Variants in ROBO2 observed in about 807,000 individuals in gnomAD.
The protein encoded by ROBO2 is roundabout homolog 2.
ROBO2 carries 53 observed loss-of-function variants against 160.8 expected under a neutral mutation model. The observed-to-expected ratio is 0.33, with a 90% CI of 0.26 to 0.41. The LOEUF is 0.41. ROBO2 is among the 10% of genes least tolerant of loss of function. The pLI, the probability that ROBO2 is intolerant of heterozygous loss-of-function variation, is 1.00. For missense variants in ROBO2, 1,577 were observed against 1,722.4 expected, an observed-to-expected ratio of 0.92 and a Z score of 1.49; for synonymous variants, 664 against 611.7, an observed-to-expected ratio of 1.09 and a Z score of -1.26.
rs193292512 is a variant in ROBO2 at position 77,236,238 on chromosome 3, G to A, written c.388+137898G>A. On this transcript the variant is annotated intron_variant, in intron 2 of 25. Transcript: ENST00000461745. The stretch of plus-strand genomic sequence containing the variant: ...TGAAAGAGCTAAGCTATTATCTAGA[G>A]ACCTGGAATCAGTTGAAAGAAATGC... Among the ~76,000 whole-genome samples, 5 of 152,324 alleles carry A rather than the reference G, an allele frequency of 3.3e-5. No homozygotes were observed. The East Asian group carries it at 7.7e-4, about 24-fold the overall frequency.
At chr3:77,435,234 A>G (rs537443335) in intron 2 of ROBO2, among the ~76,000 whole-genome samples, 8 of 152,096 alleles carry the variant, frequency 5.3e-5, no homozygotes, top group Non-Finnish European at 1.2e-4. Flanking sequence ...TAATTATTTT[A>G]AGTATCTTAT....
chr3:77,486,177 A>G (rs1553983420), intron 4 of ROBO2, among the ~76,000 whole-genome samples: 1 of 151,230 alleles, frequency 6.6e-6, no homozygotes, highest in Non-Finnish European at 1.5e-5. Context: ...TATTCAGTCC[A>G]TGATGGGCAT....
chr3:77,384,930 T>G (rs1396732397), intron 2 of ROBO2, among the ~76,000 whole-genome samples: 2 of 152,214 alleles, frequency 1.3e-5, no homozygotes, highest in Non-Finnish European at 2.9e-5. Context: ...CTGTTAATTC[T>G]TCCTCGGAGG....
intron 1 of ROBO2, among the ~76,000 whole-genome samples, chr3:77,047,275 A>T (rs376255991): frequency 4.6e-5 from 7 of 152,244 alleles, no homozygotes; most frequent in African/African-American, 1.7e-4. Context: ...CTACTGAATG[A>T]GTATGAACAA....
At chr3:76,405,603 C>G (rs374523003) in intron 2 of ROBO2, among the ~76,000 whole-genome samples, 1 of 151,632 alleles carries the variant, frequency 6.6e-6, no homozygotes, top group African/African-American at 2.4e-5. Flanking sequence ...CAGGTAGTCC[C>G]GGTTACTTAT....
intron 2 of ROBO2, among the ~76,000 whole-genome samples, chr3:76,743,925 G>T (rs141053265): frequency 1.6e-4 from 25 of 152,196 alleles, no homozygotes; most frequent in African/African-American, 6.0e-4. Flanking sequence ...TAATGGAATG[G>T]GGACTGAGGA....
chr3:77,317,196 G>T, intron 2 of ROBO2: 1 of 853,712 alleles, frequency 1.2e-6, no homozygotes, highest in Non-Finnish European at 2.0e-6. Context: ...CACCCCGGAT[G>T]GAAGGCCCAG....
At chr3:76,484,029 C>CAGA (rs2079355909) in intron 2 of ROBO2, among the ~76,000 whole-genome samples, 2 of 152,160 alleles carry the variant, frequency 1.3e-5, no homozygotes, top group Non-Finnish European at 2.9e-5. Flanking sequence ...AGAACGTACA[C>CAGA]ATGCATGTGT....
At chr3:76,453,334 A>T (rs112991655) in intron 2 of ROBO2, among the ~76,000 whole-genome samples, 1 of 152,154 alleles carries the variant, frequency 6.6e-6, no homozygotes, top group African/African-American at 2.4e-5. Flanking sequence ...TCTTTAATCC[A>T]TCTTGAATTA....
intron 1 of ROBO2, among the ~76,000 whole-genome samples, chr3:77,042,362 A>T (rs1047412710): frequency 1.3e-5 from 2 of 152,244 alleles, no homozygotes; most frequent in South Asian, 4.1e-4. Flanking sequence ...GATTTTCATG[A>T]TAAGAAGAAT....
chr3:77,028,603 C>T (rs1198445859), intron 2 of ROBO2, among the ~76,000 whole-genome samples: 1 of 151,958 alleles, frequency 6.6e-6, no homozygotes, highest in Non-Finnish European at 1.5e-5. Context: ...GCCTGTAATC[C>T]CAGCTTCTCG....
At chr3:76,292,881 C>T (rs941542351) in intron 2 of ROBO2, among the ~76,000 whole-genome samples, 2 of 151,742 alleles carry the variant, frequency 1.3e-5, no homozygotes, top group Middle Eastern at 6.9e-3. Context: ...ATTGTACTGA[C>T]CTACCTTGTT....
Position 76,567,807 on chromosome 3 carries a change from ATTT to A in ROBO2, c.110-530193_110-530191del, listed in dbSNP as rs762639441. On this transcript the variant is annotated intron_variant, in intron 2 of 26. Transcript: ENST00000487694. ...TGTGTGTGTGTGTGTGTATATATAT[ATTT>A]TTTTTTTTTTTTTGGGGGGGGTTGG... 3.5e-3 allele frequency among the ~76,000 whole-genome samples: 252 copies of A among 72,316 alleles called. 2 individuals are homozygous for A. Among genetic ancestry groups the A allele is most frequent in the East Asian group, 0.015 (36 of 2,436 alleles). 47.4% of individuals were successfully genotyped at this position (72,316 alleles called of 152,430 possible). A position where few individuals can be genotyped will look rare whatever the true frequency, so the allele number is the denominator to read the frequency against.
At chr3:76,306,075 C>T (rs6806108) in intron 2 of ROBO2, among the ~76,000 whole-genome samples, 141,279 of 152,142 alleles carry the variant, frequency 0.93, 66,375 homozygotes, top group East Asian at 1. Context: ...TCTTCAGACA[C>T]TGTCAAATGT....
intron 2 of ROBO2, among the ~76,000 whole-genome samples, chr3:76,667,836 G>T (rs116531730): frequency 6.6e-6 from 1 of 151,498 alleles, no homozygotes; most frequent in African/African-American, 2.4e-5. Context: ...ACATAAAAAC[G>T]ACTGTAGTTA....
chr3:77,292,502 T>C (rs2061422119), intron 2 of ROBO2, among the ~76,000 whole-genome samples: 1 of 150,736 alleles, frequency 6.6e-6, no homozygotes, highest in Admixed American at 6.6e-5. Flanking sequence ...ACTAAAGACA[T>C]AAAGTAAAAT....
intron 2 of ROBO2, among the ~76,000 whole-genome samples, chr3:76,132,894 A>C (rs527965910): frequency 6.6e-6 from 1 of 152,152 alleles, no homozygotes; most frequent in East Asian, 1.9e-4. Context: ...AAGAAAGCGC[A>C]AAGTGAATGG....
chr3:76,291,126 C>G (rs149155773), intron 2 of ROBO2, among the ~76,000 whole-genome samples: 2,147 of 152,214 alleles, frequency 0.014, 43 homozygotes, highest in African/African-American at 0.049. Context: ...GGTACCAGCT[C>G]TTCTTTATAC....
rs566791558 is a variant in ROBO2, at chr3:77,111,446, G to A, written c.388+13106G>A. ...ATAAAAATGAATTTGGAACTGAATC[G>A]TTCTTTGGAAAGCATTTGAATGTTT... On this transcript the variant is annotated intron_variant, in intron 2 of 25. Transcript: ENST00000461745. Among the ~76,000 whole-genome samples the A allele has an allele frequency of 9.4e-4, 143 of 152,160 alleles. 2 individuals carry two copies. The South Asian group carries it at 0.014, about 15-fold the overall frequency.
Sources: allele counts gnomAD v4.1 joint callset (sites outside exome capture counted in the v4.1 genomes callset), GRCh38; gene constraint gnomAD v4.1.1; transcripts MANE v1.5; gene names NCBI Gene and HGNC (gene_info 2026-07-23, HGNC 2026-07-21).